Variants in NFATC2 observed in about 807,000 individuals in gnomAD.
NFATC2 encodes nuclear factor of activated T cells 2.
A neutral mutation model predicts 87.3 loss-of-function variants in NFATC2; 22 were observed. That is an observed-to-expected ratio of 0.25 (90% CI 0.18 to 0.36). NFATC2 has a LOEUF of 0.36. NFATC2 is among the 10% of genes least tolerant of loss of function. The pLI is 1.00. For synonymous variants in NFATC2, 565 were observed against 542.2 expected, an observed-to-expected ratio of 1.04 and a Z score of -0.58; for missense variants, 1,149 against 1,259.1, an observed-to-expected ratio of 0.91 and a Z score of 1.32.
chr20:51,488,915 G>A (rs6021241), intron 3 of NFATC2, among the ~76,000 whole-genome samples: 11,518 of 152,304 alleles, frequency 0.076, 1,397 homozygotes, highest in African/African-American at 0.25. Flanking sequence ...CAAGCTGGGC[G>A]CAGTGGCTCA....
chr20:51,548,148 C>A (rs2076904598), intron 1 of NFATC2, among the ~76,000 whole-genome samples: 2 of 152,268 alleles, frequency 1.3e-5, no homozygotes, highest in Non-Finnish European at 2.9e-5. Flanking sequence ...CCTCTGCCAC[C>A]CTGATCGTCC....
chr20:51,426,476 T>C (rs1180680163), intron 9 of NFATC2, among the ~76,000 whole-genome samples: 1 of 79,316 alleles, frequency 1.3e-5, no homozygotes, highest in Non-Finnish European at 2.2e-5. Context: ...AGACTTTGTC[T>C]CAAAAAAAAA....
Position 51,523,884 on chromosome 20 carries a change from G to T in NFATC2, c.357C>A (p.His119Gln). 1 of 1,605,950 alleles carries T rather than the reference G, an allele frequency of 6.2e-7. No homozygotes were observed. Among genetic ancestry groups the T allele is most frequent in the Non-Finnish European group, 8.5e-7 (1 of 1,177,476 alleles). The change falls in exon 2 of 11, where the codon CAC (histidine) becomes CAA (glutamine). Residue 119 changes from histidine (H) to glutamine (Q), a missense_variant. Coordinates refer to ENST00000371564, the MANE Select transcript of NFATC2 (RefSeq NM_012340.5). This position sits in a 1 kb window ranked among gnomAD's most constrained non-coding sequence, Gnocchi z 6.9. ...LSPRIEITPS[H>Q]ELIQAVGPLR... The stretch of plus-strand genomic sequence containing the variant: ...GGGGCCCCACTGCCTGGATCAGTTC[G>T]TGGGACGGAGTGATCTCGATCCGAG...
At position 51,480,157 on chromosome 20, in the gene NFATC2, A is replaced by G. The variant is rs1989116799; in HGVS notation, c.1333-4497T>C. ...ACAAAAATTAGCCAGGTATGGTGGC[A>G]CGTGCCTGTAATCCCAGCTACTCAG... On this transcript the variant is annotated intron_variant, in intron 3 of 10. Coordinates refer to ENST00000371564, the MANE Select transcript of NFATC2 (RefSeq NM_012340.5). This position sits in a 1 kb window ranked among gnomAD's most constrained non-coding sequence, Gnocchi z 4.2. 2.0e-5 allele frequency among the ~76,000 whole-genome samples: 3 copies of G among 152,000 alleles called. No homozygotes were observed. Among genetic ancestry groups the G allele is most frequent in the Admixed American group, 2.0e-4 (3 of 15,258 alleles).
chr20:51,523,822 G>T lies in NFATC2; in HGVS notation c.419C>A (p.Pro140Gln), dbSNP rs926392897. ...GCTGGCGGCCACCCCGGCCAGGGGC[G>T]GCTGCTCCACCAGGAGGCCCGCGTC... ...MRDAGLLVEQPPLAGVAASPR... is the reference protein window; with the variant it reads ...MRDAGLLVEQQPLAGVAASPR... Residue 140 changes from proline to glutamine, a missense_variant, in exon 2 of 11, where the codon CCG (proline) becomes CAG (glutamine). Coordinates refer to ENST00000371564, the MANE Select transcript of NFATC2 (RefSeq NM_012340.5). This position sits in a 1 kb window ranked among gnomAD's most constrained non-coding sequence, Gnocchi z 6.9. The T allele has an allele frequency of 1.6e-5, 25 of 1,609,800 alleles. No homozygotes were observed. The highest frequency in any genetic ancestry group is 2.1e-5 in the Non-Finnish European group (25 of 1,178,102).
chr20:51,494,295 CG>C (rs2075951368), intron 3 of NFATC2, among the ~76,000 whole-genome samples: 1 of 152,034 alleles, frequency 6.6e-6, no homozygotes. Context: ...CGGCACAGGG[CG>C]GGTGCCACTG....
Position 51,523,492 on chromosome 20 carries a change from G to C in NFATC2, c.749C>G (p.Ala250Gly). Reference protein sequence around the residue: ...RPASRSSSPGAKRRHSCAEAL... With the variant: ...RPASRSSSPGGKRRHSCAEAL... ...CTCGGCGCACGAATGCCTCCGCTTG[G>C]CACCAGGCGATGAGGAGCGGGAGGC... The change falls in exon 2 of 11, where the codon GCC becomes GGC. Residue 250 changes from alanine to glycine, a missense_variant. Transcript: ENST00000371564. The surrounding 1 kb of genome is among the most constrained non-coding windows in gnomAD (Gnocchi z 6.9). The C allele has an allele frequency of 6.2e-7, 1 of 1,612,606 alleles. No homozygotes were observed. Among genetic ancestry groups the C allele is most frequent in the Non-Finnish European group, 8.5e-7 (1 of 1,179,388 alleles).
At position 51,559,650 on chromosome 20, in the gene NFATC2, G is replaced by A. The variant is rs115646409; in HGVS notation, c.70+2910C>T. 1.6e-3 allele frequency among the ~76,000 whole-genome samples: 242 copies of A among 152,304 alleles called. 2 individuals are homozygous for A. The highest frequency in any genetic ancestry group is 5.5e-3 in the African/African-American group (227 of 41,556). ...ATAACAATTAAAAGACTTAATGCTT[G>A]CAGAGCACTTAGCCCCTTGTCCTAC... On this transcript the variant is annotated intron_variant, in intron 1 of 10. Coordinates refer to the NFATC2 transcript ENST00000414705.
In NFATC2 at chr20:51,523,623, T is replaced by C; in HGVS notation, c.618A>G (p.Gln206=). 2.5e-6 allele frequency: 4 copies of C among 1,613,918 alleles called. No homozygotes were observed. Among genetic ancestry groups the C allele is most frequent in the Non-Finnish European group, 3.4e-6 (4 of 1,179,868 alleles). Residue 206 remains glutamine, a synonymous_variant, in exon 2 of 11, where the codon CAA becomes CAG. Coordinates refer to ENST00000371564, the MANE Select transcript of NFATC2 (RefSeq NM_012340.5). The surrounding 1 kb of genome is among the most constrained non-coding windows in gnomAD (Gnocchi z 6.9). The stretch of plus-strand genomic sequence containing the variant: ...TGGGGGAATAATGAGCAGGGATGTT[T>C]TGAAACTGCGGACACAGGTCGTCGG... ...GGPDDLCPQF[Q]NIPAHYSPRT... is the part of the protein sequence containing the mutation.
chr20:51,477,769 G>A (rs1216788362), intron 3 of NFATC2, among the ~76,000 whole-genome samples: 3 of 151,714 alleles, frequency 2.0e-5, no homozygotes, highest in African/African-American at 4.8e-5. Context: ...CCTTCGGTAG[G>A]ATCTCCAGTC....
intron 9 of NFATC2, among the ~76,000 whole-genome samples, chr20:51,413,779 T>C (rs1333479969): frequency 1.3e-5 from 2 of 152,152 alleles, no homozygotes; most frequent in African/African-American, 2.4e-5. Flanking sequence ...TAAATAAAAA[T>C]TTTAAAATTA....
rs192192032 is a variant in NFATC2 at position 51,401,734 on chromosome 20, G to C, written c.2723-3004C>G. Among the ~76,000 whole-genome samples the C allele has an allele frequency of 2.0e-5, 3 of 152,126 alleles. No individual in the cohort carries two copies. The East Asian group carries it at 5.8e-4, about 29-fold the overall frequency. On this transcript the variant is annotated intron_variant, in intron 9 of 10. Transcript: ENST00000371564. The stretch of plus-strand genomic sequence containing the variant: ...CAGTGGCCTTGCATTTTTACCCCAG[G>C]CATAAACTGGTGAGTCATCCCACTG...
At chr20:51,416,028 G>A (rs191064922) in intron 9 of NFATC2, among the ~76,000 whole-genome samples, 17 of 152,158 alleles carry the variant, frequency 1.1e-4, no homozygotes, top group Admixed American at 3.9e-4. Flanking sequence ...TTGGGAGGCC[G>A]AGGTGGGTGG....
intron 1 of NFATC2, among the ~76,000 whole-genome samples, chr20:51,528,737 G>A (rs556172985): frequency 6.6e-6 from 1 of 152,176 alleles, no homozygotes; most frequent in Non-Finnish European, 1.5e-5. Flanking sequence ...AGGTGACATA[G>A]CATGATATAC....
intron 1 of NFATC2, among the ~76,000 whole-genome samples, chr20:51,551,271 A>G (rs2076930269): frequency 1.3e-5 from 2 of 152,248 alleles, no homozygotes; most frequent in South Asian, 4.1e-4. Context: ...ATGAATGCAA[A>G]AAAAAATCCT....
intron 5 of NFATC2, 121 bp downstream of exon 5, chr20:51,473,859 G>C (rs1189839908): frequency 2.0e-6 from 2 of 989,602 alleles, no homozygotes; most frequent in African/African-American, 3.3e-5. Flanking sequence ...GTGTAACCCT[G>C]TGGGTCCCAC....
chr20:51,392,622 C>A (rs114616718), intron 10 of NFATC2, among the ~76,000 whole-genome samples: 2,099 of 152,334 alleles, frequency 0.014, 45 homozygotes, highest in African/African-American at 0.048. Context: ...AGGCATGAGG[C>A]TGTAGACCCC....
intron 3 of NFATC2, among the ~76,000 whole-genome samples, chr20:51,496,053 A>C (rs551734588): frequency 1.3e-5 from 2 of 152,278 alleles, no homozygotes; most frequent in Admixed American, 1.3e-4. Flanking sequence ...CCAAACCCCC[A>C]CCCAGGGTCA....
chr20:51,410,546 G>GAGAGGGAGAGAA (rs374470904), intron 9 of NFATC2, among the ~76,000 whole-genome samples: 2 of 151,824 alleles, frequency 1.3e-5, no homozygotes, highest in South Asian at 4.2e-4. Flanking sequence ...AGGAAAGGAA[G>GAGAGGGAGAGAA]AGAGGGAGAG....
Sources: gnomAD v4.1 joint callset for allele counts (sites outside exome capture counted in the v4.1 genomes callset) on GRCh38, gnomAD v4.1.1 for gene constraint, Gnocchi (gnomAD v3.1) non-coding constraint, MANE v1.5 for transcripts, NCBI Gene and HGNC (gene_info 2026-07-23, HGNC 2026-07-21) for gene names.